CNTNAP2: variants seen among roughly 807,000 people sequenced by gnomAD.
The protein encoded by CNTNAP2 is contactin associated protein 2, also known as contactin-associated protein-like 2.
CNTNAP2 carries 98 observed loss-of-function variants against 155.2 expected under a neutral mutation model. The observed-to-expected ratio is 0.63, with a 90% CI of 0.54 to 0.75. The LOEUF (loss-of-function observed/expected upper bound fraction) is 0.75. Ranked by LOEUF, CNTNAP2 falls within the 30% of genes least tolerant of loss-of-function variation. CNTNAP2 has a pLI of 0.00. For synonymous variants in CNTNAP2, 651 were observed against 631.2 expected, an observed-to-expected ratio of 1.03 and a Z score of -0.47; for missense variants, 1,727 against 1,688.1, an observed-to-expected ratio of 1.02 and a Z score of -0.40.
intron 8 of CNTNAP2, among the ~76,000 whole-genome samples, chr7:147,278,549 TTCTC>T (rs1219025544): frequency 2.6e-5 from 4 of 151,708 alleles, no homozygotes; most frequent in African/African-American, 9.7e-5. Context: ...AAAGTCTAAT[TTCTC>T]TCATCTATGA....
chr7:147,984,992 G>A (rs1801591655), intron 15 of CNTNAP2, among the ~76,000 whole-genome samples: 1 of 151,990 alleles, frequency 6.6e-6, no homozygotes, highest in African/African-American at 2.4e-5. Flanking sequence ...GTGCGCACCT[G>A]TAATCCCAGC....
chr7:148,416,185 A>G lies in CNTNAP2; in HGVS notation c.*569A>G, dbSNP rs1296748830. ...TTTGCCAGTTTTTAAGCAGAGCTCA[A>G]TCTATGCCAGCTCTCTGGCATCTGG... On this transcript the variant is annotated 3_prime_UTR_variant, in exon 24 of 24. Transcript: ENST00000361727. 1.3e-5 allele frequency: 2 copies of G among 155,384 alleles called. No homozygotes were observed. Among genetic ancestry groups the G allele is most frequent in the Admixed American group, 6.3e-5 (1 of 15,950 alleles). 9.6% of individuals were successfully genotyped at this position (155,384 alleles called of 1,614,324 possible).
chr7:147,887,820 A>T (rs1441566137), intron 13 of CNTNAP2, among the ~76,000 whole-genome samples: 4 of 152,260 alleles, frequency 2.6e-5, no homozygotes, highest in African/African-American at 9.6e-5. Context: ...AATTTTGATT[A>T]TCTGAACTTT....
At chr7:146,340,168 C>CAAAAAA (rs1195946572) in intron 1 of CNTNAP2, among the ~76,000 whole-genome samples, 2 of 54,884 alleles carry the variant, frequency 3.6e-5, no homozygotes, top group Non-Finnish European at 8.0e-5. Flanking sequence ...GACTCCGCCT[C>CAAAAAA]AAAAAAAAAA....
intron 13 of CNTNAP2, among the ~76,000 whole-genome samples, chr7:147,731,901 C>T (rs1017476908): frequency 2.4e-4 from 36 of 152,090 alleles, no homozygotes; most frequent in African/African-American, 8.4e-4. Context: ...GTGGAAGTAA[C>T]TGCAGATGTG....
At chr7:148,412,068 G>A (rs188882013) in intron 23 of CNTNAP2, among the ~76,000 whole-genome samples, 10 of 151,960 alleles carry the variant, frequency 6.6e-5, no homozygotes, top group Non-Finnish European at 1.3e-4. Context: ...TCAACCTCCC[G>A]AGTAGCTGGG....
At chr7:147,595,134 G>A (rs866451190) in intron 12 of CNTNAP2, among the ~76,000 whole-genome samples, 1 of 152,068 alleles carries the variant, frequency 6.6e-6, no homozygotes, top group Non-Finnish European at 1.5e-5. Context: ...AACTAAGATA[G>A]GGAGACACAT....
intron 16 of CNTNAP2, among the ~76,000 whole-genome samples, chr7:148,139,230 G>C (rs1265118389): frequency 6.6e-6 from 1 of 152,154 alleles, no homozygotes; most frequent in Non-Finnish European, 1.5e-5. Context: ...TCTTGCCAAT[G>C]TTCATTTTCA....
chr7:146,540,019 C>T (rs895930864), intron 1 of CNTNAP2, among the ~76,000 whole-genome samples: 2 of 151,982 alleles, frequency 1.3e-5, no homozygotes, highest in African/African-American at 4.8e-5. Flanking sequence ...AGCTTCTGGG[C>T]TGAGTGATTT....
At chr7:146,572,347 C>G (rs1480078922) in intron 1 of CNTNAP2, among the ~76,000 whole-genome samples, 2 of 150,248 alleles carry the variant, frequency 1.3e-5, no homozygotes, top group Non-Finnish European at 2.9e-5. Context: ...AGCAATGCCT[C>G]CTGAGTTTGA....
At chr7:146,755,313 G>A (rs1285490410) in intron 1 of CNTNAP2, among the ~76,000 whole-genome samples, 2 of 151,924 alleles carry the variant, frequency 1.3e-5, no homozygotes, top group Admixed American at 6.6e-5. Context: ...GAACAGGGAC[G>A]GACTCAAAAG....
chr7:147,460,607 C>T (rs1798005731), intron 10 of CNTNAP2, among the ~76,000 whole-genome samples: 1 of 151,586 alleles, frequency 6.6e-6, no homozygotes, highest in Non-Finnish European at 1.5e-5. Flanking sequence ...TTGAATGCAC[C>T]TAGGTCAGAT....
At chr7:146,988,567 G>A (rs372408034) in intron 3 of CNTNAP2, among the ~76,000 whole-genome samples, 14 of 152,220 alleles carry the variant, frequency 9.2e-5, no homozygotes, top group African/African-American at 3.4e-4. Flanking sequence ...ACTTATTTGG[G>A]TAGGGGGTAT....
chr7:147,557,330 CTGA>C (rs1178531986), intron 11 of CNTNAP2, among the ~76,000 whole-genome samples: 1 of 152,028 alleles, frequency 6.6e-6, no homozygotes, highest in East Asian at 1.9e-4. Context: ...GAAATTCAAT[CTGA>C]TATGTTCAGT....
intron 1 of CNTNAP2, among the ~76,000 whole-genome samples, chr7:146,765,876 C>T (rs550568843): frequency 2.6e-5 from 4 of 152,024 alleles, no homozygotes; most frequent in South Asian, 2.1e-4. Flanking sequence ...AGCTGGACAG[C>T]GGAGAGGATG....
At chr7:146,137,932 T>G (rs975091928) in intron 1 of CNTNAP2, among the ~76,000 whole-genome samples, 2 of 152,030 alleles carry the variant, frequency 1.3e-5, no homozygotes, top group African/African-American at 4.8e-5. Context: ...TCTAGTTACT[T>G]CTTAATGAGC....
intron 21 of CNTNAP2, among the ~76,000 whole-genome samples, chr7:148,329,758 T>A (rs1356748406): frequency 9.9e-5 from 15 of 152,200 alleles, no homozygotes; most frequent in Non-Finnish European, 2.9e-5. Flanking sequence ...GTATGTTGAT[T>A]TTAATGACAG....
At chr7:148,193,922 T>C (rs1045389255) in intron 18 of CNTNAP2, among the ~76,000 whole-genome samples, 2 of 151,018 alleles carry the variant, frequency 1.3e-5, no homozygotes, top group Non-Finnish European at 1.5e-5. Context: ...CGTTTCCTTC[T>C]GCTTGTTCAA....
intron 8 of CNTNAP2, among the ~76,000 whole-genome samples, chr7:147,144,338 G>A (rs1375057564): frequency 6.6e-6 from 1 of 152,168 alleles, no homozygotes; most frequent in Non-Finnish European, 1.5e-5. Flanking sequence ...CTTCCATCCT[G>A]ACCCCAGCAC....
Sources: gnomAD v4.1 joint callset for allele counts (sites outside exome capture counted in the v4.1 genomes callset) on GRCh38, gnomAD v4.1.1 for gene constraint, MANE v1.5 for transcripts, NCBI Gene and HGNC (gene_info 2026-07-23, HGNC 2026-07-21) for gene names.